ROR1: variants seen among roughly 807,000 people sequenced by gnomAD.
ROR1 encodes the protein inactive tyrosine-protein kinase transmembrane receptor ROR1.
ROR1 carries 19 observed loss-of-function variants against 78.8 expected under a neutral mutation model. That is an observed-to-expected ratio of 0.24 (90% CI 0.17 to 0.35). The LOEUF is 0.35. Among genes scored for constraint, ROR1 ranks in the 10% least tolerant of loss-of-function variants. ROR1 has a pLI of 1.00. For synonymous variants in ROR1, 386 were observed against 433.6 expected (o/e 0.89, Z 1.36); for missense variants, 917 against 1,177.8 (o/e 0.78, Z 3.24).
chr1:64,046,043 G>T (rs949625348), intron 2 of ROR1, among the ~76,000 whole-genome samples: 2 of 152,214 alleles, frequency 1.3e-5, no homozygotes, highest in Non-Finnish European at 2.9e-5. Flanking sequence ...AAGCCAGATT[G>T]CTTTGTCTGG....
At chr1:63,809,888 A>T (rs1644850243) in intron 1 of ROR1, among the ~76,000 whole-genome samples, 1 of 152,226 alleles carries the variant, frequency 6.6e-6, no homozygotes, top group East Asian at 1.9e-4. Flanking sequence ...GTGCATTGAC[A>T]TGTTGGCAAA....
chr1:64,157,644 T>G (rs890278674), intron 7 of ROR1, among the ~76,000 whole-genome samples: 2 of 152,238 alleles, frequency 1.3e-5, no homozygotes, highest in Admixed American at 1.3e-4. Flanking sequence ...CTCATTTACA[T>G]GTACTAGGGT....
At chr1:63,963,649 C>T (rs900021679) in intron 1 of ROR1, among the ~76,000 whole-genome samples, 2 of 151,838 alleles carry the variant, frequency 1.3e-5, no homozygotes, top group Non-Finnish European at 2.9e-5. Flanking sequence ...TAGATGAGTA[C>T]TTTGCTTTCC....
chr1:64,038,699 G>T (rs1646722871), intron 2 of ROR1, among the ~76,000 whole-genome samples: 3 of 152,150 alleles, frequency 2.0e-5, no homozygotes, highest in African/African-American at 7.2e-5. Context: ...TGACTGTGTA[G>T]CCAGGATGAG....
intron 1 of ROR1, among the ~76,000 whole-genome samples, chr1:63,834,980 G>A (rs1645011463): frequency 6.6e-6 from 1 of 152,036 alleles, no homozygotes; most frequent in Non-Finnish European, 1.5e-5. Context: ...GGCTGGGGCG[G>A]TTGGCCCCAC....
chr1:63,945,029 A>G (rs12134835), intron 1 of ROR1, among the ~76,000 whole-genome samples: 72 of 152,126 alleles, frequency 4.7e-4, no homozygotes, highest in Non-Finnish European at 8.8e-4. Flanking sequence ...GGGCTTTGGT[A>G]ATTTTTTATA....
chr1:64,004,879 G>T (rs1257961241), intron 1 of ROR1, among the ~76,000 whole-genome samples: 5 of 152,086 alleles, frequency 3.3e-5, no homozygotes, highest in African/African-American at 1.2e-4. Context: ...AAAGATAATA[G>T]CCCCTATTGA....
intron 2 of ROR1, among the ~76,000 whole-genome samples, chr1:64,014,676 C>T (rs1397304166): frequency 7.7e-6 from 1 of 129,416 alleles, no homozygotes; most frequent in Non-Finnish European, 1.6e-5. Context: ...ATACTGAGGC[C>T]TGTTTCCAAC....
At chr1:63,857,100 T>TGAA (rs1316013740) in intron 1 of ROR1, among the ~76,000 whole-genome samples, 28 of 152,216 alleles carry the variant, frequency 1.8e-4, no homozygotes, top group African/African-American at 6.7e-4. Context: ...AATGAATGAA[T>TGAA]TAATAAATAA....
At chr1:64,033,322 G>C (rs1039269968) in intron 2 of ROR1, among the ~76,000 whole-genome samples, 2 of 152,128 alleles carry the variant, frequency 1.3e-5, no homozygotes, top group African/African-American at 4.8e-5. Flanking sequence ...GCATCTGACA[G>C]TCACCAAAAC....
intron 1 of ROR1, among the ~76,000 whole-genome samples, chr1:64,005,975 A>G (rs377634619): frequency 1.6e-4 from 24 of 152,300 alleles, no homozygotes; most frequent in African/African-American, 5.3e-4. Context: ...TATCTTTGCT[A>G]CAGCCCAAGA....
At chr1:63,956,587 G>A (rs61765145) in intron 1 of ROR1, among the ~76,000 whole-genome samples, 6,650 of 152,282 alleles carry the variant, frequency 0.044, 201 homozygotes, top group Non-Finnish European at 0.063. Context: ...CACTAATTCA[G>A]TGTGTCTGAG....
intron 1 of ROR1, among the ~76,000 whole-genome samples, chr1:63,922,991 A>G (rs1056670765): frequency 1.3e-5 from 2 of 152,210 alleles, no homozygotes; most frequent in African/African-American, 2.4e-5. Context: ...AATGATAGTA[A>G]TAATGAAAAC....
chr1:63,999,857 T>A (rs1246686162), intron 1 of ROR1, among the ~76,000 whole-genome samples: 1 of 152,144 alleles, frequency 6.6e-6, no homozygotes. Flanking sequence ...TTCATTCCCA[T>A]TGTGTATAGG....
chr1:64,009,783 C>T (rs1359591540), intron 2 of ROR1, among the ~76,000 whole-genome samples: 1 of 152,104 alleles, frequency 6.6e-6, no homozygotes, highest in Non-Finnish European at 1.5e-5. Context: ...GGGTTCAGGA[C>T]CGAGTATCTG....
intron 1 of ROR1, among the ~76,000 whole-genome samples, chr1:63,974,007 C>A (rs1646138669): frequency 6.6e-6 from 1 of 151,876 alleles, no homozygotes. Flanking sequence ...TGTAATAAAC[C>A]CACTAAACAC....
Position 64,140,419 on chromosome 1 carries a change from A to G in ROR1, c.921A>G (p.Ile307Met). ...IRIGIPMADP[I>M]NKNHKCYNST... ...TTGGAATTCCCATGGCAGATCCTAT[A>G]AATAAAAGTAAGTGGTAGCCCCTGA... The change falls in exon 6 of 9, where the codon ATA becomes ATG. Residue 307 changes from isoleucine to methionine, a missense_variant. Ile to Met is a conservative substitution (Grantham distance 10, BLOSUM62 1). Coordinates refer to ENST00000371079, the MANE Select transcript of ROR1 (RefSeq NM_005012.4). The G allele has an allele frequency of 6.2e-7, 1 of 1,612,672 alleles. No individual in the cohort carries two copies. Among genetic ancestry groups the G allele is most frequent in the Non-Finnish European group, 8.5e-7 (1 of 1,178,854 alleles).
In ROR1 at chr1:63,966,314, G is replaced by A. The variant is rs541905146; in HGVS notation, c.92-42991G>A. On this transcript the variant is annotated intron_variant, in intron 1 of 8. Coordinates refer to ENST00000371079, the MANE Select transcript of ROR1 (RefSeq NM_005012.4). ...GTTGGCTGTGCCTCCTGGGTCTCCC[G>A]CGTGGATTCCTCACAGATGGCAGGG... Among the ~76,000 whole-genome samples the A allele has an allele frequency of 2.6e-5, 4 of 152,250 alleles. No homozygotes were observed. In the South Asian group the frequency reaches 6.2e-4, roughly 24 times the overall value.
At chr1:63,808,241 G>A (rs1569746708) in intron 1 of ROR1, among the ~76,000 whole-genome samples, 1 of 152,206 alleles carries the variant, frequency 6.6e-6, no homozygotes, top group East Asian at 1.9e-4. Context: ...AAAGCAGTGG[G>A]CCATCTCCTT....
Sources: allele counts gnomAD v4.1 joint callset (sites outside exome capture counted in the v4.1 genomes callset), GRCh38; gene constraint gnomAD v4.1.1; transcripts MANE v1.5; gene names NCBI Gene and HGNC (gene_info 2026-07-23, HGNC 2026-07-21).